The following FAM124A variants were observed in gnomAD, a reference collection of about 807,000 sequenced individuals.
The protein encoded by FAM124A is family with sequence similarity 124 member A.
A neutral mutation model predicts 24.5 loss-of-function variants in FAM124A; 23 were observed. That is an observed-to-expected ratio of 0.94 (90% CI 0.68 to 1.33). The LOEUF is 1.33. Ranked by LOEUF, FAM124A falls within the 40% of genes most tolerant of loss-of-function variation. FAM124A has a pLI of 0.00. For synonymous variants in FAM124A, 287 were observed against 314.7 expected, an observed-to-expected ratio of 0.91 and a Z score of 0.93; for missense variants, 623 against 722.8, an observed-to-expected ratio of 0.86 and a Z score of 1.58.
At chr13:51,276,877 C>G (rs1407988914) in intron 3 of FAM124A, among the ~76,000 whole-genome samples, 1 of 152,148 alleles carries the variant, frequency 6.6e-6, no homozygotes, top group Non-Finnish European at 1.5e-5. Context: ...AGGAAATGAT[C>G]TTACTGGGAA....
chr13:51,231,409 T>C (rs773041301), intron 2 of FAM124A, 30 bp downstream of exon 2: 35 of 1,612,606 alleles, frequency 2.2e-5, no homozygotes, highest in Non-Finnish European at 2.9e-5. Flanking sequence ...CCTTCAGCAT[T>C]GTCTAACGGT....
intron 3 of FAM124A, among the ~76,000 whole-genome samples, chr13:51,277,366 A>T (rs2137712083): frequency 6.6e-6 from 1 of 152,314 alleles, no homozygotes; most frequent in South Asian, 2.1e-4. Context: ...TGAGGGCTGA[A>T]AATTACCTAT....
rs561840119 is a variant in FAM124A at position 51,246,402 on chromosome 13, G to A, written c.101-5066G>A. Among the ~76,000 whole-genome samples the A allele has an allele frequency of 5.2e-4, 65 of 125,268 alleles. 3 individuals carry two copies. Among genetic ancestry groups the A allele is most frequent in the African/African-American group, 1.8e-3 (62 of 34,926 alleles). The allele number at this position is 125,268 out of a possible 152,430, so 82.2% of individuals were successfully genotyped here. A position where few individuals can be genotyped will look rare whatever the true frequency, so the allele number is the denominator to read the frequency against. ...CTCCACAGAGGCATGTTTCTCGTGG[G>A]GTGGGGGGGGGTGTAACTCTAACAC... is the stretch of plus-strand genomic sequence containing the variant. On this transcript the variant is annotated intron_variant, in intron 2 of 3. Coordinates refer to ENST00000322475, the MANE Select transcript of FAM124A (RefSeq NM_001242312.2).
rs767234630 is a variant in FAM124A, at chr13:51,252,199, C to T, written c.832C>T (p.Gln278Ter). ...CCATGATGGGAACAAGATCCTCCTA[C>T]AGGTACTGGGGGGACGCCTGTCTGT... ...EDHDGNKILLQAQRVHKKFPK... is the reference protein window; with the variant it reads ...EDHDGNKILL The change falls in exon 3 of 4, where the codon CAG becomes TAG. Residue 278 changes from glutamine (Q) to a stop codon, truncating the protein, a stop_gained and splice_region_variant. Transcript: ENST00000322475. LOFTEE classifies it low-confidence loss of function (END_TRUNC). 2 of 1,612,338 alleles carry T rather than the reference C, an allele frequency of 1.2e-6. No individual in the cohort carries two copies. The highest frequency in any genetic ancestry group is 2.2e-5 in the East Asian group (1 of 44,874).
At chr13:51,243,079 T>C (rs1238118585) in intron 2 of FAM124A, among the ~76,000 whole-genome samples, 2 of 152,222 alleles carry the variant, frequency 1.3e-5, no homozygotes, top group African/African-American at 4.8e-5. Flanking sequence ...ATAAATGCAG[T>C]TTGGATCTCC....
At chr13:51,223,208 T>A (rs76205626) in intron 1 of FAM124A, among the ~76,000 whole-genome samples, 5 of 145,184 alleles carry the variant, frequency 3.4e-5, no homozygotes, top group Non-Finnish European at 6.1e-5. Context: ...TTTTTTTTTT[T>A]AATATTCTCT....
In FAM124A at chr13:51,250,580, C is replaced by T. The variant is rs572277907; in HGVS notation, c.101-888C>T. Among the ~76,000 whole-genome samples the T allele has an allele frequency of 3.2e-4, 48 of 152,278 alleles. No individual in the cohort carries two copies. The South Asian group carries it at 8.1e-3, about 26-fold the overall frequency. On this transcript the variant is annotated intron_variant, in intron 2 of 3. Coordinates refer to ENST00000322475, the MANE Select transcript of FAM124A (RefSeq NM_001242312.2). ...TGGAATTCAACAGTTTCAGGTGTTC[C>T]GCCAGAGATCACAGGGAGGGTAACC...
At chr13:51,265,241 G>T (rs1190048410) in intron 3 of FAM124A, among the ~76,000 whole-genome samples, 1 of 152,132 alleles carries the variant, frequency 6.6e-6, no homozygotes, top group Non-Finnish European at 1.5e-5. Context: ...TGGGAAGTCG[G>T]GGAGATGTGC....
intron 2 of FAM124A, among the ~76,000 whole-genome samples, chr13:51,244,299 T>C (rs1954533007): frequency 6.6e-6 from 1 of 152,224 alleles, no homozygotes; most frequent in South Asian, 2.1e-4. Context: ...TTACATCTTA[T>C]ATATTTGTTT....
chr13:51,243,445 G>T (rs1408922036), intron 2 of FAM124A, among the ~76,000 whole-genome samples: 10 of 152,148 alleles, frequency 6.6e-5, no homozygotes, highest in Admixed American at 6.5e-4. Context: ...GCCTCAATGT[G>T]GGGAGGCTAG....
Position 51,251,394 on chromosome 13 carries a change from C to G in FAM124A, c.101-74C>G, listed in dbSNP as rs1356380144. 1 of 1,448,742 alleles carries G rather than the reference C, an allele frequency of 6.9e-7. No individual in the cohort carries two copies. The highest frequency in any genetic ancestry group is 2.5e-5 in the Admixed American group (1 of 40,074). 89.7% of individuals were successfully genotyped at this position (1,448,742 alleles called of 1,614,324 possible). Reference sequence around the variant, plus strand: ...CTTCTCTTCCTGTCAAGCCTGTACACGTCATCACTGGACACTTTAATGAAA... The same window carrying G: ...CTTCTCTTCCTGTCAAGCCTGTACAGGTCATCACTGGACACTTTAATGAAA... On this transcript the variant is annotated intron_variant, in intron 2 of 3. Transcript: ENST00000322475. The surrounding 1 kb of genome is among the most constrained non-coding windows in gnomAD (Gnocchi z 5.3).
chr13:51,252,363 C>A, intron 3 of FAM124A, 162 bp downstream of exon 3: 1 of 945,048 alleles, frequency 1.1e-6, no homozygotes, highest in Non-Finnish European at 1.5e-6. Flanking sequence ...TACAGGATCC[C>A]AACAAAAGAG....
In FAM124A at chr13:51,280,946, C is replaced by G. The variant is rs764691984; in HGVS notation, c.1331C>G (p.Pro444Arg). ...AGGTTCTGCAGCACAGTGGAGACACCCCTCCCCTCCGAAAGATGCAGCAGC... is the reference window on the plus strand; with the variant it reads ...AGGTTCTGCAGCACAGTGGAGACACGCCTCCCCTCCGAAAGATGCAGCAGC... ...PSRFCSTVETPLPSERCSSHW... is the reference protein window; with the variant it reads ...PSRFCSTVETRLPSERCSSHW... Residue 444 changes from proline (P) to arginine (R), a missense_variant, in exon 4 of 4, where the codon CCC (proline) becomes CGC (arginine). Physicochemically the swap from Pro to Arg is moderately radical, Grantham distance 103. Coordinates refer to ENST00000322475, the MANE Select transcript of FAM124A (RefSeq NM_001242312.2). 2 of 1,614,052 alleles carry G rather than the reference C, an allele frequency of 1.2e-6. No homozygotes were observed. Among genetic ancestry groups the G allele is most frequent in the Admixed American group, 3.3e-5 (2 of 60,014 alleles).
At chr13:51,252,303 G>T (rs763098342) in intron 3 of FAM124A, 102 bp downstream of exon 3, 50 of 1,459,682 alleles carry the variant, frequency 3.4e-5, no homozygotes, top group Non-Finnish European at 4.3e-5. Flanking sequence ...ATCAAGGAAG[G>T]AGAGATCAGT....
rs143065133 is a variant in FAM124A at position 51,248,382 on chromosome 13, G to A, written c.101-3086G>A. Among the ~76,000 whole-genome samples, 596 of 152,312 alleles carry A rather than the reference G, an allele frequency of 3.9e-3. 3 individuals carry two copies. Among genetic ancestry groups the A allele is most frequent in the African/African-American group, 0.014 (571 of 41,566 alleles). ...GCATCTTTATAGCCTGTGAATCCAT[G>A]CCTCTTCTATTTACCCACTTGACTG... On this transcript the variant is annotated intron_variant, in intron 2 of 3. Coordinates refer to ENST00000322475, the MANE Select transcript of FAM124A (RefSeq NM_001242312.2).
At chr13:51,257,327 T>A (rs1193673180) in intron 3 of FAM124A, among the ~76,000 whole-genome samples, 1 of 152,222 alleles carries the variant, frequency 6.6e-6, no homozygotes, top group Non-Finnish European at 1.5e-5. Context: ...AGAGACTTGC[T>A]TTTTAGGGAA....
intron 3 of FAM124A, 61 bp downstream of exon 3, chr13:51,252,262 C>A: frequency 6.4e-7 from 1 of 1,570,776 alleles, no homozygotes; most frequent in Non-Finnish European, 8.6e-7. Context: ...AGCTTTGCCT[C>A]AAACACTATA....
At chr13:51,246,247 T>TA (rs143555997) in intron 2 of FAM124A, among the ~76,000 whole-genome samples, 1 of 152,282 alleles carries the variant, frequency 6.6e-6, no homozygotes, top group Non-Finnish European at 1.5e-5. Flanking sequence ...ATGTAATAGA[T>TA]ATGATAAAGG....
At chr13:51,259,532 C>A (rs1160363325) in intron 3 of FAM124A, among the ~76,000 whole-genome samples, 2 of 152,096 alleles carry the variant, frequency 1.3e-5, no homozygotes, top group Admixed American at 6.5e-5. Context: ...GGCTGCCTCA[C>A]CCCCGCAGGT....
Sources: allele counts gnomAD v4.1 joint callset (sites outside exome capture counted in the v4.1 genomes callset), GRCh38; gene constraint gnomAD v4.1.1; non-coding constraint Gnocchi (gnomAD v3.1); transcripts MANE v1.5; gene names NCBI Gene and HGNC (gene_info 2026-07-23, HGNC 2026-07-21).